SEMA5A: variants seen among roughly 807,000 people sequenced by gnomAD.
SEMA5A encodes the protein semaphorin-5A.
In SEMA5A, 55 loss-of-function variants were observed where a neutral mutation model predicts 135.5. That is an observed-to-expected ratio of 0.41 (90% CI 0.33 to 0.51). SEMA5A has a LOEUF of 0.51. Among genes scored for constraint, SEMA5A ranks in the 20% least tolerant of loss-of-function variants. The pLI is 0.37. For synonymous variants in SEMA5A, 580 were observed against 546.5 expected, an observed-to-expected ratio of 1.06 and a Z score of -0.85; for missense variants, 1,290 against 1,419.9, an observed-to-expected ratio of 0.91 and a Z score of 1.47.
chr5:9,501,790 G>A (rs1735612621), intron 1 of SEMA5A, among the ~76,000 whole-genome samples: 1 of 152,200 alleles, frequency 6.6e-6, no homozygotes, highest in Non-Finnish European at 1.5e-5. Flanking sequence ...AGGACACATA[G>A]CTGTTACATG....
rs142165847 is a variant in SEMA5A at position 9,126,915 on chromosome 5, G to C, written c.1600-4078C>G. Among the ~76,000 whole-genome samples, 19 of 152,312 alleles carry C rather than the reference G, an allele frequency of 1.2e-4. No individual in the cohort carries two copies. In the East Asian group the frequency reaches 3.5e-3, roughly 28 times the overall value. On this transcript the variant is annotated intron_variant, in intron 13 of 22. Coordinates refer to ENST00000382496, the MANE Select transcript of SEMA5A (RefSeq NM_003966.3). ...TTGTGACCCCTGGTTACCTGAATCT[G>C]TGGTAACCAGCTTAAAGAAAAGCAG...
intron 1 of SEMA5A, among the ~76,000 whole-genome samples, chr5:9,488,638 T>A (rs1243959700): frequency 6.6e-6 from 1 of 152,194 alleles, no homozygotes; most frequent in African/African-American, 2.4e-5. Flanking sequence ...AATCAATTCC[T>A]ACACTGATGC....
intron 15 of SEMA5A, among the ~76,000 whole-genome samples, chr5:9,110,338 C>T (rs1399486797): frequency 6.6e-6 from 1 of 152,154 alleles, no homozygotes; most frequent in African/African-American, 2.4e-5. Context: ...TCGAGGAGCT[C>T]CTCATATTTC....
chr5:9,159,118 A>T (rs1293857876), intron 11 of SEMA5A, among the ~76,000 whole-genome samples: 15 of 152,206 alleles, frequency 9.9e-5, no homozygotes, highest in Non-Finnish European at 2.1e-4. Context: ...AAGCTAGTGA[A>T]GATATGTTGG....
chr5:9,251,139 T>G (rs1388050684), intron 5 of SEMA5A, among the ~76,000 whole-genome samples: 1 of 152,160 alleles, frequency 6.6e-6, no homozygotes. Flanking sequence ...GTGTTCTCCC[T>G]CTGTCTCATG....
chr5:9,501,277 T>A (rs1456875489), intron 1 of SEMA5A, among the ~76,000 whole-genome samples: 3 of 152,210 alleles, frequency 2.0e-5, no homozygotes, highest in Non-Finnish European at 4.4e-5. Flanking sequence ...CTAAAGTCTA[T>A]GCTTACTTGC....
At chr5:9,384,464 A>G (rs1052549346) in intron 2 of SEMA5A, among the ~76,000 whole-genome samples, 1 of 151,936 alleles carries the variant, frequency 6.6e-6, no homozygotes, top group Non-Finnish European at 1.5e-5. Context: ...CCCACCACCA[A>G]CTTTGCACCA....
intron 5 of SEMA5A, among the ~76,000 whole-genome samples, chr5:9,256,432 C>T (rs1749070653): frequency 6.6e-6 from 1 of 152,130 alleles, no homozygotes; most frequent in Admixed American, 6.6e-5. Flanking sequence ...GCTCTCTTTC[C>T]CAAAGGTGCT....
chr5:9,158,823 C>T (rs1347851064), intron 11 of SEMA5A, among the ~76,000 whole-genome samples: 1 of 152,130 alleles, frequency 6.6e-6, no homozygotes, highest in Non-Finnish European at 1.5e-5. Context: ...ATTCAAAAGA[C>T]ACAAATACTT....
intron 11 of SEMA5A, among the ~76,000 whole-genome samples, chr5:9,187,190 G>C (rs1744855099): frequency 6.6e-6 from 1 of 151,342 alleles, no homozygotes; most frequent in African/African-American, 2.4e-5. Flanking sequence ...TCAATTCCTT[G>C]GACATAAAGA....
chr5:9,394,820 G>T (rs1051167765), intron 2 of SEMA5A, among the ~76,000 whole-genome samples: 5 of 152,018 alleles, frequency 3.3e-5, no homozygotes. Flanking sequence ...ATATTATACA[G>T]CTTATTAAGC....
At chr5:9,449,202 T>G (rs139745767) in intron 1 of SEMA5A, among the ~76,000 whole-genome samples, 2,963 of 151,930 alleles carry the variant, frequency 0.02, 97 homozygotes, top group African/African-American at 0.068. Flanking sequence ...ATAAAGAAAA[T>G]GTGGTACATG....
At chr5:9,373,745 C>A (rs1473699827) in intron 3 of SEMA5A, among the ~76,000 whole-genome samples, 1 of 152,120 alleles carries the variant, frequency 6.6e-6, no homozygotes. Context: ...GAAAGGCCTC[C>A]AAATCAGTCA....
intron 19 of SEMA5A, 102 bp from the exon 20 acceptor site, chr5:9,052,130 T>A: frequency 8.7e-6 from 11 of 1,271,338 alleles, no homozygotes; most frequent in Non-Finnish European, 1.2e-5. Context: ...ATTCCAGGAT[T>A]CCATAGCATA....
rs1197318713 is a variant in SEMA5A, at chr5:9,051,955, G to A, written c.2763C>T (p.Ile921=). 1.2e-6 allele frequency: 2 copies of A among 1,614,030 alleles called. No homozygotes were observed. The highest frequency in any genetic ancestry group is 1.7e-5 in the Admixed American group (1 of 60,004). ...ACTGGCTGCCCATGGGGAACAGGAG[G>A]ATGCACTGGCGGGCGCGGACTTGGA... ...SGVQVRARQC[I]LLFPMGSQCS... is the part of the protein sequence containing the mutation. Residue 921 remains isoleucine (I), a synonymous_variant, in exon 20 of 23, where the codon ATC becomes ATT. Coordinates refer to ENST00000382496, the MANE Select transcript of SEMA5A (RefSeq NM_003966.3).
chr5:9,086,463 G>A (rs1030196601), intron 16 of SEMA5A, among the ~76,000 whole-genome samples: 1 of 152,110 alleles, frequency 6.6e-6, no homozygotes, highest in East Asian at 1.9e-4. Context: ...AAAAATGGGA[G>A]TTTCCCTGCA....
chr5:9,199,521 A>G (rs1235503253), intron 9 of SEMA5A, among the ~76,000 whole-genome samples: 1 of 152,228 alleles, frequency 6.6e-6, no homozygotes, highest in East Asian at 1.9e-4. Context: ...GCCCAGGTCT[A>G]GAACATGACC....
intron 10 of SEMA5A, among the ~76,000 whole-genome samples, chr5:9,195,195 G>C (rs1246536323): frequency 6.6e-6 from 1 of 152,190 alleles, no homozygotes; most frequent in Non-Finnish European, 1.5e-5. Context: ...TTTAGAGACA[G>C]GGTCTTGCTC....
intron 11 of SEMA5A, among the ~76,000 whole-genome samples, chr5:9,171,176 T>G (rs932003157): frequency 6.6e-6 from 1 of 152,136 alleles, no homozygotes; most frequent in Non-Finnish European, 1.5e-5. Context: ...AATTCTGTCC[T>G]TTTTTTTCTT....
Sources: gnomAD v4.1 joint callset for allele counts (sites outside exome capture counted in the v4.1 genomes callset) on GRCh38, gnomAD v4.1.1 for gene constraint, MANE v1.5 for transcripts, NCBI Gene and HGNC (gene_info 2026-07-23, HGNC 2026-07-21) for gene names.